The following POLG variants were observed in gnomAD, a reference collection of about 807,000 sequenced individuals.
The protein encoded by POLG is DNA polymerase gamma, catalytic subunit.
Under a neutral mutation model 155.4 loss-of-function variants are expected in POLG, and 110 were observed. That is an observed-to-expected ratio of 0.71 (90% confidence interval 0.61 to 0.83). The LOEUF (loss-of-function observed/expected upper bound fraction) is 0.83, where lower values mean the gene tolerates loss of function less well. Among genes scored for constraint, POLG ranks in the 40% least tolerant of loss-of-function variants. POLG has a pLI of 0.00. For missense variants in POLG, 1,685 were observed against 1,627.5 expected, an observed-to-expected ratio of 1.04 and a Z score of -0.61; for synonymous variants, 701 against 631.5, an observed-to-expected ratio of 1.11 and a Z score of -1.65.
chr15:89,319,060 T>C lies in POLG; in HGVS notation c.3144A>G (p.Ala1048=). ...TTTCTGACTCTGTGCCCCCCTTCCA[T>C]GCCCGTTCAGCAACCACCTCCCACT... ...WKKWEVVAER[A]WKGGTESEMF... The change falls in exon 20 of 23, where the codon GCA becomes GCG. Residue 1048 remains alanine (A), a synonymous_variant. Coordinates refer to ENST00000268124, the MANE Select transcript of POLG (RefSeq NM_002693.3). The C allele has an allele frequency of 6.2e-7, 1 of 1,614,124 alleles. No individual in the cohort carries two copies. The highest frequency in any genetic ancestry group is 2.2e-5 in the East Asian group (1 of 44,890).
rs901719624 is a variant in POLG, at chr15:89,319,407, G to A, written c.2982-57C>T. On this transcript the variant is annotated intron_variant, in intron 18 of 22. Transcript: ENST00000268124. ...GGAGTGCTTCCTGTGCCACGCTAGT[G>A]CCTTGGCAAGGAATGTTCACATATC... is the stretch of plus-strand genomic sequence containing the variant. The A allele has an allele frequency of 5.0e-6, 8 of 1,605,460 alleles. No individual in the cohort carries two copies. The East Asian group carries it at 1.6e-4, about 31-fold the overall frequency.
intron 12 of POLG, 53 bp downstream of exon 12, chr15:89,323,762 A>G: frequency 7.2e-7 from 1 of 1,382,652 alleles, no homozygotes. Context: ...GGCAAGAGGA[A>G]GCCCTTTCCA....
intron 16 of POLG, 140 bp downstream of exon 16, chr15:89,321,596 A>C (rs973536531): frequency 6.3e-6 from 5 of 788,024 alleles, no homozygotes; most frequent in Non-Finnish European, 1.1e-5. Context: ...TCATGAAGCC[A>C]GATTTGACTA....
chr15:89,325,194 G>A (rs868788646), intron 10 of POLG, among the ~76,000 whole-genome samples: 1 of 86,754 alleles, frequency 1.2e-5, no homozygotes, highest in East Asian at 3.1e-4. Context: ...GAGTGAGTGA[G>A]AGAGTGAGTG....
rs144033465 is a variant in POLG at position 89,333,571 on chromosome 15, G to A, written c.184C>T (p.Leu62=). 18 of 1,610,464 alleles carry A rather than the reference G, an allele frequency of 1.1e-5. No individual in the cohort carries two copies. The highest frequency in any genetic ancestry group is 1.2e-5 in the Non-Finnish European group (14 of 1,178,950). ...CGCAGCTGCCCGCCCTCCGAGGATA[G>A]CACTTGCGGCTGCTGAGGCTGCTGT... ...QQQQPQQPQV[L]SSEGGQLRHN... is the part of the protein sequence containing the mutation. Residue 62 remains leucine, a synonymous_variant, in exon 2 of 23, where the codon CTA becomes TTA. Coordinates refer to ENST00000268124, the MANE Select transcript of POLG (RefSeq NM_002693.3).
Position 89,333,092 on chromosome 15 carries a change from T to G in POLG, c.659+4A>C. On this transcript the variant is annotated splice_donor_region_variant and intron_variant, in intron 2 of 22. Coordinates refer to ENST00000268124, the MANE Select transcript of POLG (RefSeq NM_002693.3). Reference sequence around the variant, plus strand: ...CTTATGTCCCCAACCCTGCCCCTACTTACCAGGCCGAGGGGGATATGGCCA... The same window carrying G: ...CTTATGTCCCCAACCCTGCCCCTACGTACCAGGCCGAGGGGGATATGGCCA... The G allele has an allele frequency of 6.6e-7, 1 of 1,511,750 alleles. No homozygotes were observed. The highest frequency in any genetic ancestry group is 8.8e-7 in the Non-Finnish European group (1 of 1,130,272). 93.6% of individuals were successfully genotyped at this position (1,511,750 alleles called of 1,614,324 possible). A position where few individuals can be genotyped will look rare whatever the true frequency, so the allele number is the denominator to read the frequency against.
rs759511776 is a variant in POLG, at chr15:89,326,594, G to A, written c.1712+18C>T. The A allele has an allele frequency of 1.3e-5, 21 of 1,612,284 alleles. 1 individual carries two copies. The South Asian group carries it at 1.5e-4, about 12-fold the overall frequency. On this transcript the variant is annotated intron_variant, in intron 9 of 22. Transcript: ENST00000268124. ...AGGGTAGACTCTAGATACACTGCTG[G>A]GGGTGGGCAGGGCTCACCCAGGGTG...
intron 9 of POLG, 75 bp from the exon 10 acceptor site, chr15:89,325,761 A>G (rs756319876): frequency 1.2e-5 from 14 of 1,151,630 alleles, no homozygotes; most frequent in African/African-American, 6.0e-5. Context: ...CTCTCTCACA[A>G]TGTCCCCACC....
Position 89,333,490 on chromosome 15 carries a change from C to G in POLG, c.265G>C (p.Gly89Arg). Residue 89 changes from glycine to arginine, a missense_variant, in exon 2 of 23, where the codon GGG becomes CGG. Around this residue, in one of 3 missense-constraint regions of POLG, gnomAD observed 1,210 missense variants for 1,167.1 expected, o/e 1.04. Transcript: ENST00000268124. ...TCGCCAGGCATCTCCCCTCCTTGCC[C>G]GAAGATTTGCTCGTGCAGCCCTCTC... ...LSRGLHEQIF[G>R]QGGEMPGEAA... The G allele has an allele frequency of 2.5e-6, 4 of 1,612,650 alleles. No homozygotes were observed. The highest frequency in any genetic ancestry group is 3.4e-6 in the Non-Finnish European group (4 of 1,179,694).
In POLG at chr15:89,326,687, C is replaced by T. The variant is rs773418477; in HGVS notation, c.1637G>A (p.Arg546His). Reference sequence around the variant, plus strand: ...CCCCTTCAGCTTCTGCAAGCAGGCGCGGGCCATGACATCTTGTTGAAACTC... The same window carrying T: ...CCCCTTCAGCTTCTGCAAGCAGGCGTGGGCCATGACATCTTGTTGAAACTC... ...EEEFQQDVMA[R>H]ACLQKLKGTT... Residue 546 changes from arginine (R) to histidine (H), a missense_variant, in exon 9 of 23, where the codon CGC becomes CAC. Transcript: ENST00000268124. The T allele has an allele frequency of 3.5e-5, 56 of 1,613,966 alleles. No individual in the cohort carries two copies. Among genetic ancestry groups the T allele is most frequent in the East Asian group, 8.9e-5 (4 of 44,884 alleles).
chr15:89,321,879 G>C (rs112776049), intron 15 of POLG, 26 bp from the exon 16 acceptor site: 1 of 1,607,882 alleles, frequency 6.2e-7, no homozygotes, highest in East Asian at 2.2e-5. Context: ...GGAAGGAAAT[G>C]GGTCTTAGCA....
intron 5 of POLG, 54 bp from the exon 6 acceptor site, chr15:89,328,589 C>A: frequency 6.2e-7 from 1 of 1,604,418 alleles, no homozygotes; most frequent in South Asian, 1.1e-5. Context: ...ATTACCACCA[C>A]CAGCTCTCAG....
chr15:89,324,246 CA>C lies in POLG; in HGVS notation c.1950-20del. ...GATGGCTCTGGGCAGAGAACAGTAG[CA>C]GCAGCAGCCGCTGATTACCAGATGC... On this transcript the variant is annotated intron_variant, in intron 10 of 22. Transcript: ENST00000268124. 6.2e-7 allele frequency: 1 copy of C among 1,608,698 alleles called. No individual in the cohort carries two copies. Among genetic ancestry groups the C allele is most frequent in the East Asian group, 2.2e-5 (1 of 44,854 alleles).
At chr15:89,323,369 A>C in intron 13 of POLG, 35 bp downstream of exon 13, 1 of 1,382,472 alleles carries the variant, frequency 7.2e-7, no homozygotes, top group Admixed American at 1.7e-5. Context: ...CAGAATGAGG[A>C]AACACCACAG....
At chr15:89,327,719 C>G (rs1369322359) in intron 6 of POLG, among the ~76,000 whole-genome samples, 3 of 152,096 alleles carry the variant, frequency 2.0e-5, no homozygotes, top group African/African-American at 7.2e-5. Context: ...TGGTAAAATA[C>G]AGCTGACATT....
Position 89,330,245 on chromosome 15 carries a change from C to A in POLG, c.691G>T (p.Glu231Ter). 1 of 1,612,464 alleles carries A rather than the reference C, an allele frequency of 6.2e-7. No individual in the cohort carries two copies. Among genetic ancestry groups the A allele is most frequent in the Non-Finnish European group, 8.5e-7 (1 of 1,180,004 alleles). Reference sequence around the variant, plus strand: ...AGCTGGCTGGTCCAAGAGTAACGCTCTTCCACCAGCCGCTGGCTGCACCAG... The same window carrying A: ...AGCTGGCTGGTCCAAGAGTAACGCTATTCCACCAGCCGCTGGCTGCACCAG... ...YSWCSQRLVE[E>*]RYSWTSQLSP... The change falls in exon 3 of 23, where the codon GAG becomes TAG. Residue 231 changes from glutamate to a stop codon, truncating the protein, a stop_gained. Transcript: ENST00000268124. LOFTEE classifies it high-confidence loss of function.
In POLG at chr15:89,333,392, G is replaced by C. The variant is rs2055621743; in HGVS notation, c.363C>G (p.Pro121=). The C allele has an allele frequency of 1.3e-6, 2 of 1,591,060 alleles. No homozygotes were observed. The highest frequency in any genetic ancestry group is 1.7e-6 in the Non-Finnish European group (2 of 1,172,056). Residue 121 remains proline, a synonymous_variant, in exon 2 of 23, where the codon CCC becomes CCG. Coordinates refer to ENST00000268124, the MANE Select transcript of POLG (RefSeq NM_002693.3). ...GLWGQPAVPL[P]DVELRLPPLY... ...GGGGCGGCAGGCGCAGCTCCACGTC[G>C]GGCAAGGGCACGGCTGGCTGCCCCC...
At chr15:89,332,016 A>G (rs1240759643) in intron 2 of POLG, among the ~76,000 whole-genome samples, 2 of 152,226 alleles carry the variant, frequency 1.3e-5, no homozygotes, top group Non-Finnish European at 2.9e-5. Context: ...CCGACAGATC[A>G]AAAAACAAAT....
rs1247562338 is a variant in POLG at position 89,328,516 on chromosome 15, G to A, written c.1190C>T (p.Ala397Val). The A allele has an allele frequency of 4.3e-6, 7 of 1,613,614 alleles. No individual in the cohort carries two copies. The highest frequency in any genetic ancestry group is 5.9e-6 in the Non-Finnish European group (7 of 1,179,926). Reference sequence around the variant, plus strand: ...CTCATGGGTGGCCCACACGTCCTGGGCACAGTACTGCATCAGGTCCTGGCA... The same window carrying A: ...CTCATGGGTGGCCCACACGTCCTGGACACAGTACTGCATCAGGTCCTGGCA... ...ENFQDLMQYC[A>V]QDVWATHEVF... is the part of the protein sequence containing the mutation. The change falls in exon 6 of 23, where the codon GCC becomes GTC. Residue 397 changes from alanine to valine, a missense_variant. Around this residue, in one of 3 missense-constraint regions of POLG, gnomAD observed 1,210 missense variants for 1,167.1 expected, o/e 1.04. Transcript: ENST00000268124.
Sources: gnomAD v4.1 joint callset for allele counts (sites outside exome capture counted in the v4.1 genomes callset) on GRCh38, gnomAD v4.1.1 for gene constraint, gnomAD v4.1.1 regional missense constraint, MANE v1.5 for transcripts, NCBI Gene and HGNC (gene_info 2026-07-23, HGNC 2026-07-21) for gene names.